ERBB4: variants seen among roughly 807,000 people sequenced by gnomAD.
ERBB4 encodes the protein erb-b2 receptor tyrosine kinase 4.
Under a neutral mutation model 158.0 loss-of-function variants are expected in ERBB4, and 42 were observed. The observed-to-expected ratio is 0.27, with a 90% CI of 0.21 to 0.34. The LOEUF is 0.34. Among genes scored for constraint, ERBB4 ranks in the 10% least tolerant of loss-of-function variants. ERBB4 has a pLI of 1.00. For synonymous variants in ERBB4, 583 were observed against 558.7 expected, an observed-to-expected ratio of 1.04 and a Z score of -0.61; for missense variants, 1,333 against 1,624.1, an observed-to-expected ratio of 0.82 and a Z score of 3.08.
At chr2:211,936,546 C>T (rs1346054972) in intron 3 of ERBB4, among the ~76,000 whole-genome samples, 1 of 151,946 alleles carries the variant, frequency 6.6e-6, no homozygotes, top group African/African-American at 2.4e-5. Context: ...ATATGTTATA[C>T]AGACGGATCA....
At chr2:212,327,289 C>A (rs1158543670) in intron 1 of ERBB4, among the ~76,000 whole-genome samples, 1 of 151,896 alleles carries the variant, frequency 6.6e-6, no homozygotes, top group Admixed American at 6.6e-5. Context: ...TAATATTATT[C>A]TAATTTTATA....
intron 3 of ERBB4, among the ~76,000 whole-genome samples, chr2:211,939,886 G>A (rs1393025631): frequency 1.3e-5 from 2 of 151,346 alleles, no homozygotes; most frequent in African/African-American, 4.9e-5. Flanking sequence ...GGTGGAGCTT[G>A]CAGTGAGCTG....
intron 5 of ERBB4, among the ~76,000 whole-genome samples, chr2:211,735,609 C>G (rs1159971559): frequency 6.6e-6 from 1 of 151,930 alleles, no homozygotes; most frequent in Non-Finnish European, 1.5e-5. Flanking sequence ...ATAATGAAAA[C>G]TAAGATATTA....
intron 3 of ERBB4, among the ~76,000 whole-genome samples, chr2:211,946,584 T>G (rs1336048921): frequency 7.4e-6 from 1 of 135,492 alleles, no homozygotes; most frequent in African/African-American, 2.8e-5. Context: ...CTCTTTTTTT[T>G]TTTTTTTTTT....
chr2:211,418,841 T>G (rs529211907), intron 25 of ERBB4, among the ~76,000 whole-genome samples: 6 of 152,256 alleles, frequency 3.9e-5, no homozygotes, highest in Admixed American at 6.5e-5. Flanking sequence ...AAAAGACTGA[T>G]TATTCATTAC....
intron 2 of ERBB4, among the ~76,000 whole-genome samples, chr2:211,954,228 T>G (rs2080964910): frequency 6.6e-6 from 1 of 152,094 alleles, no homozygotes; most frequent in Admixed American, 6.6e-5. Context: ...AAGATTAAAG[T>G]GATTACAGTA....
intron 3 of ERBB4, among the ~76,000 whole-genome samples, chr2:211,820,645 G>A (rs908395741): frequency 1.1e-4 from 16 of 151,604 alleles, no homozygotes; most frequent in African/African-American, 3.9e-4. Flanking sequence ...AAAACTTCAG[G>A]CCAATATCTC....
chr2:211,995,136 T>C (rs946701063), intron 2 of ERBB4, among the ~76,000 whole-genome samples: 1 of 152,190 alleles, frequency 6.6e-6, no homozygotes, highest in Non-Finnish European at 1.5e-5. Context: ...AATTTCTTAT[T>C]TTCTAGGCAC....
intron 2 of ERBB4, among the ~76,000 whole-genome samples, chr2:212,011,757 A>G (rs2076393490): frequency 6.6e-6 from 1 of 152,062 alleles, no homozygotes; most frequent in Non-Finnish European, 1.5e-5. Context: ...CTCAAAGAAA[A>G]AAAAAAAAAA....
chr2:212,478,669 C>A (rs573109286), intron 1 of ERBB4, among the ~76,000 whole-genome samples: 16 of 152,096 alleles, frequency 1.1e-4, no homozygotes, highest in African/African-American at 3.9e-4. Flanking sequence ...TTCCAATGGG[C>A]CTGACCATTC....
intron 20 of ERBB4, among the ~76,000 whole-genome samples, chr2:211,517,671 T>C (rs138665542): frequency 6.6e-6 from 1 of 152,120 alleles, no homozygotes; most frequent in Admixed American, 6.5e-5. Flanking sequence ...AAGATGAAAT[T>C]TGTACAAATT....
intron 3 of ERBB4, among the ~76,000 whole-genome samples, chr2:211,866,627 G>T (rs889984366): frequency 5.3e-5 from 8 of 152,072 alleles, no homozygotes; most frequent in Non-Finnish European, 1.2e-4. Flanking sequence ...TTATATAAAT[G>T]AAGATTTTAA....
intron 1 of ERBB4, among the ~76,000 whole-genome samples, chr2:212,162,694 T>C (rs2125651404): frequency 6.6e-6 from 1 of 152,014 alleles, no homozygotes; most frequent in Non-Finnish European, 1.5e-5. Context: ...GGATAATGGT[T>C]AGAGGGCAAT....
intron 20 of ERBB4, among the ~76,000 whole-genome samples, chr2:211,498,523 A>G (rs1255252911): frequency 1.3e-5 from 2 of 152,100 alleles, no homozygotes; most frequent in East Asian, 1.9e-4. Flanking sequence ...CTAATTTCCC[A>G]TTCATCAAAA....
chr2:211,741,508 A>G (rs889401671), intron 5 of ERBB4, among the ~76,000 whole-genome samples: 2 of 151,334 alleles, frequency 1.3e-5, no homozygotes, highest in African/African-American at 4.9e-5. Context: ...TGATAGAGAG[A>G]GAGAGAGAGA....
At chr2:211,945,299 T>C (rs950545785) in intron 3 of ERBB4, among the ~76,000 whole-genome samples, 4 of 152,098 alleles carry the variant, frequency 2.6e-5, no homozygotes, top group South Asian at 2.1e-4. Flanking sequence ...ACAATTGGAG[T>C]AACACTATCA....
intron 1 of ERBB4, among the ~76,000 whole-genome samples, chr2:212,374,681 A>T (rs1486845055): frequency 1.3e-5 from 2 of 152,026 alleles, no homozygotes; most frequent in East Asian, 3.9e-4. Flanking sequence ...AGTGAGATAA[A>T]TGACAAGAAT....
At chr2:212,102,596 T>C (rs184179007) in intron 2 of ERBB4, among the ~76,000 whole-genome samples, 1 of 152,244 alleles carries the variant, frequency 6.6e-6, no homozygotes, top group East Asian at 1.9e-4. Flanking sequence ...TGGATAACCA[T>C]GTGCAAACAG....
At chr2:212,293,019 A>C (rs999107454) in intron 1 of ERBB4, among the ~76,000 whole-genome samples, 3 of 152,084 alleles carry the variant, frequency 2.0e-5, no homozygotes, top group Non-Finnish European at 2.9e-5. Context: ...AAATGAGAAG[A>C]AGCTATAAAA....
Sources: gnomAD v4.1 joint callset for allele counts (sites outside exome capture counted in the v4.1 genomes callset) on GRCh38, gnomAD v4.1.1 for gene constraint, MANE v1.5 for transcripts, NCBI Gene and HGNC (gene_info 2026-07-23, HGNC 2026-07-21) for gene names.